CAPN8: variants seen among roughly 807,000 people sequenced by gnomAD.
CAPN8 encodes the protein calpain 8.
A neutral mutation model predicts 80.9 loss-of-function variants in CAPN8; 87 were observed. That is an observed-to-expected ratio of 1.07 (90% CI 0.90 to 1.28). CAPN8 has a LOEUF of 1.28. CAPN8 is among the 50% of genes most tolerant of loss of function. The pLI is 0.00. For missense variants in CAPN8, 757 were observed against 702.0 expected (o/e 1.08, Z -0.89); for synonymous variants, 299 against 273.8 (o/e 1.09, Z -0.91).
chr1:223,631,341 A>G (rs1479787955), intron 2 of CAPN8, among the ~76,000 whole-genome samples: 1 of 152,052 alleles, frequency 6.6e-6, no homozygotes, highest in African/African-American at 2.4e-5. Context: ...TTGCACCCAG[A>G]CTGGCCTCAA....
chr1:223,614,761 G>A (rs912980093), intron 10 of CAPN8, among the ~76,000 whole-genome samples: 1 of 152,076 alleles, frequency 6.6e-6, no homozygotes, highest in Non-Finnish European at 1.5e-5. Context: ...ACAGCACCCG[G>A]CACATAATAG....
intron 16 of CAPN8, 110 bp from the exon 17 acceptor site, chr1:223,545,409 G>A: frequency 2.0e-6 from 3 of 1,500,114 alleles, no homozygotes; most frequent in Non-Finnish European, 2.7e-6. Flanking sequence ...AACCTTCCAT[G>A]TCTGTGGCAA....
At chr1:223,655,358 A>G (rs1296711360) in intron 1 of CAPN8, among the ~76,000 whole-genome samples, 1 of 152,088 alleles carries the variant, frequency 6.6e-6, no homozygotes, top group Non-Finnish European at 1.5e-5. Flanking sequence ...GCCTACAGCA[A>G]TCTCATGGCC....
At chr1:223,651,901 T>C (rs570253939) in intron 2 of CAPN8, among the ~76,000 whole-genome samples, 39 of 152,352 alleles carry the variant, frequency 2.6e-4, no homozygotes, top group Non-Finnish European at 5.1e-4. Flanking sequence ...GAATATGTAC[T>C]TAGATTTGCT....
chr1:223,644,291 A>C (rs11583147), intron 2 of CAPN8: 96,273 of 243,484 alleles, frequency 0.4, 20,743 homozygotes, highest in Non-Finnish European at 0.49. Context: ...GCCATACCTG[A>C]ATCTGGGATC....
At chr1:223,659,516 C>T (rs147081229) in intron 1 of CAPN8, among the ~76,000 whole-genome samples, 189 of 152,282 alleles carry the variant, frequency 1.2e-3, no homozygotes, top group African/African-American at 4.3e-3. Flanking sequence ...AACCCAGTAC[C>T]TCTGCCCACA....
At chr1:223,664,726 C>T (rs1658739526) in intron 1 of CAPN8, among the ~76,000 whole-genome samples, 1 of 152,122 alleles carries the variant, frequency 6.6e-6, no homozygotes, top group Non-Finnish European at 1.5e-5. Flanking sequence ...TGGCTTAAGC[C>T]CAGGAGTCCA....
In CAPN8 at chr1:223,627,076, A is replaced by T; in HGVS notation, c.642T>A (p.Phe214Leu). The T allele has an allele frequency of 6.4e-7, 1 of 1,552,132 alleles. No homozygotes were observed. The change falls in exon 5 of 21, where the codon TTT (phenylalanine) becomes TTA (leucine). Residue 214 changes from phenylalanine (F) to leucine (L), a missense_variant. Transcript: ENST00000366872. ...FEDFTGGISE[F>L]YDLKKPPANL... Reference sequence around the variant, plus strand: ...TGGCTGGTGGTTTCTTCAGGTCATAAAACTCAGAGATGCCACCTGTGAAAT... The same window carrying T: ...TGGCTGGTGGTTTCTTCAGGTCATATAACTCAGAGATGCCACCTGTGAAAT...
intron 6 of CAPN8, among the ~76,000 whole-genome samples, chr1:223,623,657 T>G (rs1657470354): frequency 6.6e-6 from 1 of 152,154 alleles, no homozygotes; most frequent in South Asian, 2.1e-4. Flanking sequence ...GCCCAATGTT[T>G]GCATGTACAT....
At position 223,629,197 on chromosome 1, in the gene CAPN8, A is replaced by AGTGTGTGTGTGTGTGTGTGTGT. The variant is rs113967295; in HGVS notation, c.308-439_308-418dup. Among the ~76,000 whole-genome samples, 136 of 95,290 alleles carry AGTGTGTGTGTGTGTGTGTGTGT rather than the reference A, an allele frequency of 1.4e-3. 2 individuals carry two copies. In the East Asian group the frequency reaches 0.02, roughly 14 times the overall value. The allele number at this position is 95,290 out of a possible 152,430, so 62.5% of individuals were successfully genotyped here. On this transcript the variant is annotated intron_variant, in intron 2 of 20. Coordinates refer to ENST00000366872, the MANE Select transcript of CAPN8 (RefSeq NM_001143962.2). ...CCAATCTATGATGTGTACGTGTAAGAGTGTGTGTGTGTGTGTGTGTGTGTG... is the reference window on the plus strand; with the variant it reads ...CCAATCTATGATGTGTACGTGTAAGAGTGTGTGTGTGTGTGTGTGTGTGTGTGTGTGTGTGTGTGTGTGTGTG...
intron 2 of CAPN8, chr1:223,644,065 C>A: frequency 4.9e-6 from 1 of 205,312 alleles, no homozygotes; most frequent in Non-Finnish European, 1.0e-5. Flanking sequence ...CACCTAAAAA[C>A]AAACTATATC....
chr1:223,625,707 C>T lies in CAPN8; in HGVS notation c.813+98G>A, dbSNP rs1657552420. 7 of 1,106,532 alleles carry T rather than the reference C, an allele frequency of 6.3e-6. No homozygotes were observed. The Admixed American group carries it at 8.1e-5, about 13-fold the overall frequency. The allele number at this position is 1,106,532 out of a possible 1,614,324, so 68.5% of individuals were successfully genotyped here. On this transcript the variant is annotated intron_variant, in intron 6 of 20. Coordinates refer to ENST00000366872, the MANE Select transcript of CAPN8 (RefSeq NM_001143962.2). ...GTGAAGCTCAAAAGCCAATTCCGAACCTTCTAGTAGTAATCACCTCTTTCC... is the reference window on the plus strand; with the variant it reads ...GTGAAGCTCAAAAGCCAATTCCGAATCTTCTAGTAGTAATCACCTCTTTCC...
At chr1:223,632,191 A>G (rs1657791486) in intron 2 of CAPN8, among the ~76,000 whole-genome samples, 2 of 152,202 alleles carry the variant, frequency 1.3e-5, no homozygotes, top group South Asian at 4.1e-4. Context: ...GATCCTTGCC[A>G]GTCACTGCAT....
At chr1:223,542,863 A>G (rs1045273059) in intron 20 of CAPN8, among the ~76,000 whole-genome samples, 1 of 152,182 alleles carries the variant, frequency 6.6e-6, no homozygotes, top group Non-Finnish European at 1.5e-5. Context: ...AAGGGCTTGC[A>G]TCTCCGAAAT....
At chr1:223,618,801 C>A (rs1657284329) in intron 9 of CAPN8, among the ~76,000 whole-genome samples, 1 of 152,230 alleles carries the variant, frequency 6.6e-6, no homozygotes. Context: ...CCACTGCCCA[C>A]CCTCACAACC....
chr1:223,547,089 T>G (rs1477481968), intron 16 of CAPN8, among the ~76,000 whole-genome samples: 1 of 152,132 alleles, frequency 6.6e-6, no homozygotes, highest in African/African-American at 2.4e-5. Context: ...AATTTTTGTA[T>G]TTTTAGTAGA....
intron 18 of CAPN8, among the ~76,000 whole-genome samples, chr1:223,544,435 G>A (rs1019527191): frequency 6.6e-6 from 1 of 152,076 alleles, no homozygotes; most frequent in African/African-American, 2.4e-5. Context: ...CTCAGCCATG[G>A]GTCACATCAG....
intron 16 of CAPN8, among the ~76,000 whole-genome samples, chr1:223,548,483 A>AT (rs141771274): frequency 0.012 from 1,872 of 152,304 alleles, 40 homozygotes; most frequent in African/African-American, 0.042. Context: ...ATATTAGGAG[A>AT]TGGGCCTTTG....
intron 10 of CAPN8, 127 bp downstream of exon 10, chr1:223,615,843 A>G: frequency 8.6e-7 from 1 of 1,163,104 alleles, no homozygotes; most frequent in Non-Finnish European, 1.2e-6. Context: ...AGGTATATAG[A>G]GGAGCAAGGA....
Sources: allele counts gnomAD v4.1 joint callset (sites outside exome capture counted in the v4.1 genomes callset), GRCh38; gene constraint gnomAD v4.1.1; transcripts MANE v1.5; gene names NCBI Gene and HGNC (gene_info 2026-07-23, HGNC 2026-07-21).